Variants in MYH14 observed in about 807,000 individuals in gnomAD.
MYH14 encodes myosin-14.
MYH14 carries 123 observed loss-of-function variants against 255.5 expected under a neutral mutation model. That is an observed-to-expected ratio of 0.48 (90% CI 0.42 to 0.56). The LOEUF (loss-of-function observed/expected upper bound fraction) is 0.56. Among genes scored for constraint, MYH14 ranks in the 20% least tolerant of loss-of-function variants. The probability of loss-of-function intolerance (pLI) is 0.00; values close to 1 mark genes in which losing one functional copy is unlikely to be tolerated. For missense variants in MYH14, 2,423 were observed against 2,802.3 expected (o/e 0.86, Z 3.06); for synonymous variants, 1,095 against 1,161.2 (o/e 0.94, Z 1.16).
intron 40 of MYH14, among the ~76,000 whole-genome samples, chr19:50,304,057 G>T (rs1256850211): frequency 6.6e-6 from 1 of 152,068 alleles, no homozygotes; most frequent in Non-Finnish European, 1.5e-5. Flanking sequence ...TATATATCAG[G>T]TGTTGGACTA....
chr19:50,251,095 G>A (rs1249764710), intron 15 of MYH14, among the ~76,000 whole-genome samples: 1 of 152,126 alleles, frequency 6.6e-6, no homozygotes, highest in Non-Finnish European at 1.5e-5. Flanking sequence ...CAGGATATAA[G>A]GTTAATAGGT....
intron 18 of MYH14, among the ~76,000 whole-genome samples, chr19:50,258,059 T>TCTCAA (rs1466630340): frequency 6.6e-6 from 1 of 152,082 alleles, no homozygotes; most frequent in African/African-American, 2.4e-5. Context: ...CCACTGATTT[T>TCTCAA]CATGTTGAGA....
intron 7 of MYH14, 149 bp downstream of exon 7, chr19:50,225,826 G>A (rs2033066795): frequency 1.6e-6 from 1 of 621,406 alleles, no homozygotes; most frequent in Non-Finnish European, 2.9e-6. Flanking sequence ...GGAGGGGCTG[G>A]GGGCCTGGAC....
At chr19:50,228,488 A>G (rs1225160966) in intron 8 of MYH14, among the ~76,000 whole-genome samples, 6 of 152,128 alleles carry the variant, frequency 3.9e-5, no homozygotes, top group Non-Finnish European at 8.8e-5. Context: ...TGAAGCAGCC[A>G]GCCGGCCCGT....
At chr19:50,241,925 G>A (rs773904558) in intron 10 of MYH14, among the ~76,000 whole-genome samples, 4 of 152,206 alleles carry the variant, frequency 2.6e-5, no homozygotes, top group African/African-American at 9.6e-5. Context: ...GATTACGGGC[G>A]TGAGCCCGTA....
In MYH14 at chr19:50,268,188, G is replaced by A. The variant is rs1383593180; in HGVS notation, c.2854G>A (p.Glu952Lys). The A allele has an allele frequency of 1.3e-6, 2 of 1,551,872 alleles. No individual in the cohort carries two copies. Among genetic ancestry groups the A allele is most frequent in the Non-Finnish European group, 1.7e-6 (2 of 1,148,934 alleles). Reference protein sequence around the residue: ...QLEEERARLAEQLRAEAELCA... With the variant: ...QLEEERARLAKQLRAEAELCA... ...GGAAGAGGAGCGCGCCCGCCTGGCA[G>A]AGCAATTGCGAGCAGAGGCAGAACT... Residue 952 changes from glutamate to lysine, a missense_variant, in exon 24 of 43, where the codon GAG becomes AAG. By Grantham distance (56) the Glu-to-Lys change is moderately conservative. Around this residue, in one of 3 missense-constraint regions of MYH14, gnomAD observed 1,513 missense variants for 1,674.8 expected, o/e 0.90. Transcript: ENST00000642316.
intron 2 of MYH14, among the ~76,000 whole-genome samples, chr19:50,215,428 C>T (rs891518955): frequency 6.6e-6 from 1 of 152,190 alleles, no homozygotes; most frequent in Non-Finnish European, 1.5e-5. Flanking sequence ...CCAGGCCACC[C>T]ACCCTCCCAC....
At chr19:50,308,805 C>A in intron 41 of MYH14, 200 bp from the exon 42 acceptor site, 1 of 595,916 alleles carries the variant, frequency 1.7e-6, no homozygotes, top group South Asian at 2.4e-5. Context: ...TAGGAGACAA[C>A]CTGGAGGGGA....
At chr19:50,304,454 G>A (rs2036590919) in intron 40 of MYH14, among the ~76,000 whole-genome samples, 1 of 152,128 alleles carries the variant, frequency 6.6e-6, no homozygotes. Context: ...GCCGGGAGTA[G>A]TAATGGACAC....
chr19:50,292,584 A>G (rs976459437), intron 37 of MYH14, among the ~76,000 whole-genome samples, 195 bp downstream of exon 37: 2 of 151,588 alleles, frequency 1.3e-5, no homozygotes, highest in African/African-American at 2.4e-5. Context: ...GGGGCTAACC[A>G]CAGGGTCCCA....
chr19:50,224,060 T>TTCC, intron 5 of MYH14, 94 bp from the exon 6 acceptor site: 1 of 390,840 alleles, frequency 2.6e-6, no homozygotes, highest in Non-Finnish European at 4.1e-6. Flanking sequence ...CCACCCCCCA[T>TTCC]GCCACCACCT....
At chr19:50,218,918 G>T (rs1321500998) in intron 3 of MYH14, among the ~76,000 whole-genome samples, 2 of 151,452 alleles carry the variant, frequency 1.3e-5, no homozygotes, top group Non-Finnish European at 2.9e-5. Flanking sequence ...TTTCATCCAG[G>T]TTGCTGTGAA....
rs925611090 is a variant in MYH14, at chr19:50,250,190, C to T, written c.1657-325C>T. Among the ~76,000 whole-genome samples, 1 of 150,054 alleles carries T rather than the reference C, an allele frequency of 6.7e-6. No homozygotes were observed. The highest frequency in any genetic ancestry group is 1.5e-5 in the Non-Finnish European group (1 of 67,484). On this transcript the variant is annotated intron_variant, in intron 14 of 42. Coordinates refer to ENST00000642316, the MANE Select transcript of MYH14 (RefSeq NM_001145809.2). This position sits in a 1 kb window ranked among gnomAD's most constrained non-coding sequence, Gnocchi z 5.4. ...ATCTCTGCTTACTGCAAGCTTCGCC[C>T]CCTGGGTTCACGCCATTCTCCTGCC... is the stretch of plus-strand genomic sequence containing the variant.
In MYH14 at chr19:50,293,711, C is replaced by A; in HGVS notation, c.5469+24C>A. The A allele has an allele frequency of 6.5e-7, 1 of 1,538,438 alleles. No homozygotes were observed. Among genetic ancestry groups the A allele is most frequent in the South Asian group, 1.3e-5 (1 of 78,526 alleles). On this transcript the variant is annotated intron_variant, in intron 39 of 42. Transcript: ENST00000642316. This position sits in a 1 kb window ranked among gnomAD's most constrained non-coding sequence, Gnocchi z 4.1. Reference sequence around the variant, plus strand: ...AGGTGAGCGTGATTGACCGCCCCCACCAGCCTCAGTCCCCATTGACCTGGG... The same window carrying A: ...AGGTGAGCGTGATTGACCGCCCCCAACAGCCTCAGTCCCCATTGACCTGGG...
Position 50,259,207 on chromosome 19 carries a change from A to G in MYH14, c.2296A>G (p.Ile766Val). Residue 766 changes from isoleucine to valine, a missense_variant, in exon 19 of 43, where the codon ATC (isoleucine) becomes GTC (valine). This residue lies in a region of MYH14 where 672 missense variants were observed against 881.8 expected (regional missense o/e 0.76). Coordinates refer to ENST00000642316, the MANE Select transcript of MYH14 (RefSeq NM_001145809.2). ...TCGCTGCAACGGGGTCCTGGAGGGC[A>G]TCCGCATCTGTCGCCAGGGCTTCCC... The part of the protein sequence containing the change: ...QLRCNGVLEG[I>V]RICRQGFPNR... 2 of 1,585,128 alleles carry G rather than the reference A, an allele frequency of 1.3e-6. No individual in the cohort carries two copies. The highest frequency in any genetic ancestry group is 1.7e-6 in the Non-Finnish European group (2 of 1,165,242).
At chr19:50,251,520 CT>C (rs66510626) in intron 15 of MYH14, among the ~76,000 whole-genome samples, 2 of 17,254 alleles carry the variant, frequency 1.2e-4, no homozygotes, top group Non-Finnish European at 1.8e-4. Context: ...TATATACACA[CT>C]ACACACACAC....
intron 34 of MYH14, among the ~76,000 whole-genome samples, chr19:50,287,986 C>T (rs2035947252): frequency 6.6e-6 from 1 of 152,170 alleles, no homozygotes; most frequent in South Asian, 2.1e-4. Flanking sequence ...AAGCCTCTGT[C>T]TTCCCTTAAC....
chr19:50,224,045 T>TG (rs2123207211), intron 5 of MYH14, 109 bp from the exon 6 acceptor site: 1 of 316,166 alleles, frequency 3.2e-6, no homozygotes, highest in Non-Finnish European at 5.3e-6. Context: ...CCAGTCCCCC[T>TG]TCCCCCACCC....
At position 50,281,552 on chromosome 19, in the gene MYH14, C is replaced by A. The variant is rs752473331; in HGVS notation, c.4291-42C>A. 5 of 1,535,596 alleles carry A rather than the reference C, an allele frequency of 3.3e-6. No individual in the cohort carries two copies. In the East Asian group the frequency reaches 9.1e-5, roughly 28 times the overall value. ...ACCACCAGCTTACACCTTGGTCACTCATGGCCGTGACCACCAACCACCCTC... is the reference window on the plus strand; with the variant it reads ...ACCACCAGCTTACACCTTGGTCACTAATGGCCGTGACCACCAACCACCCTC... On this transcript the variant is annotated intron_variant, in intron 32 of 42. Transcript: ENST00000642316.
Sources: gnomAD v4.1 joint callset for allele counts (sites outside exome capture counted in the v4.1 genomes callset) on GRCh38, gnomAD v4.1.1 for gene constraint, gnomAD v4.1.1 regional missense constraint, Gnocchi (gnomAD v3.1) non-coding constraint, MANE v1.5 for transcripts, NCBI Gene and HGNC (gene_info 2026-07-23, HGNC 2026-07-21) for gene names.